The following CDC42BPB variants were observed in gnomAD, a reference collection of about 807,000 sequenced individuals.
CDC42BPB encodes the protein serine/threonine-protein kinase MRCK beta.
Under a neutral mutation model 214.9 loss-of-function variants are expected in CDC42BPB, and 37 were observed. The observed-to-expected ratio is 0.17, with a 90% confidence interval of 0.13 to 0.23. CDC42BPB has a LOEUF of 0.23. Ranked by LOEUF, CDC42BPB falls within the 10% of genes least tolerant of loss-of-function variation. The pLI, the probability that CDC42BPB is intolerant of heterozygous loss-of-function variation, is 1.00. For missense variants in CDC42BPB, 1,694 were observed against 2,227.0 expected, an observed-to-expected ratio of 0.76 and a Z score of 4.82; for synonymous variants, 931 against 884.0, an observed-to-expected ratio of 1.05 and a Z score of -0.94.
intron 12 of CDC42BPB, among the ~76,000 whole-genome samples, chr14:102,973,723 T>G (rs1396367105): frequency 2.6e-5 from 4 of 152,118 alleles, no homozygotes; most frequent in Non-Finnish European, 5.9e-5. Flanking sequence ...GCTTTCTCTG[T>G]GGGTCTGAAG....
At position 102,947,613 on chromosome 14, in the gene CDC42BPB, T is replaced by C. The variant is rs1892242449; in HGVS notation, c.3531+108A>G. On this transcript the variant is annotated intron_variant, in intron 27 of 36. Coordinates refer to ENST00000361246, the MANE Select transcript of CDC42BPB (RefSeq NM_006035.4). ...GGAGCCAGGCTGGAGGTTGAGACCC[T>C]AGGGCCACACTGGAGGTGCGCTGAT... 5 of 971,414 alleles carry C rather than the reference T, an allele frequency of 5.1e-6. No homozygotes were observed. The Admixed American group carries it at 5.2e-5, about 10-fold the overall frequency. 60.2% of individuals were successfully genotyped at this position (971,414 alleles called of 1,614,324 possible). A position where few individuals can be genotyped will look rare whatever the true frequency, so the allele number is the denominator to read the frequency against.
chr14:103,032,535 C>CAAAAA (rs570009408), intron 1 of CDC42BPB, among the ~76,000 whole-genome samples: 1 of 45,030 alleles, frequency 2.2e-5, no homozygotes. Context: ...AAATAAACTG[C>CAAAAA]AAAAAAAAAA....
chr14:103,049,817 G>A (rs1036807207), intron 1 of CDC42BPB, among the ~76,000 whole-genome samples: 3 of 152,194 alleles, frequency 2.0e-5, no homozygotes, highest in Admixed American at 2.0e-4. Flanking sequence ...GGGTTTAAGT[G>A]ATTCTCCTGC....
intron 5 of CDC42BPB, 125 bp from the exon 6 acceptor site, chr14:102,986,705 C>A: frequency 7.1e-7 from 1 of 1,408,456 alleles, no homozygotes; most frequent in Non-Finnish European, 9.3e-7. Flanking sequence ...CTGTCACCAT[C>A]CAGTACAAAT....
chr14:102,971,702 G>T (rs1893480626), intron 13 of CDC42BPB, among the ~76,000 whole-genome samples: 1 of 152,154 alleles, frequency 6.6e-6, no homozygotes, highest in African/African-American at 2.4e-5. Context: ...ACTTAAAAGG[G>T]AATTAAAGAA....
intron 13 of CDC42BPB, among the ~76,000 whole-genome samples, chr14:102,970,745 C>T (rs951028606): frequency 6.6e-6 from 1 of 152,206 alleles, no homozygotes; most frequent in African/African-American, 2.4e-5. Context: ...TCACTTCCCC[C>T]ATATGTGGAA....
rs375190596 is a variant in CDC42BPB at position 102,990,700 on chromosome 14, T to G, written c.597-4120A>C. On this transcript the variant is annotated intron_variant, in intron 5 of 36. Transcript: ENST00000361246. Reference sequence around the variant, plus strand: ...CGCTCCCCACTAAAGGGCCTTGAGCTCTTCTGAGAAACAACGGAGTGGGGA... The same window carrying G: ...CGCTCCCCACTAAAGGGCCTTGAGCGCTTCTGAGAAACAACGGAGTGGGGA... 1.8e-4 allele frequency among the ~76,000 whole-genome samples: 27 copies of G among 152,248 alleles called. No homozygotes were observed. In the South Asian group the frequency reaches 5.4e-3, roughly 30 times the overall value.
intron 1 of CDC42BPB, chr14:103,041,455 G>A: frequency 9.9e-7 from 1 of 1,012,486 alleles, no homozygotes. Context: ...GCACAGAAGG[G>A]GCTCTAGGCA....
intron 29 of CDC42BPB, among the ~76,000 whole-genome samples, chr14:102,945,002 G>T (rs1019514738): frequency 6.6e-6 from 1 of 151,926 alleles, no homozygotes; most frequent in Non-Finnish European, 1.5e-5. Flanking sequence ...ACGGCCCCCA[G>T]TGAAGACGCC....
chr14:103,032,929 TTTTTA>T (rs1441191125), intron 1 of CDC42BPB, among the ~76,000 whole-genome samples: 1 of 150,886 alleles, frequency 6.6e-6, no homozygotes, highest in Non-Finnish European at 1.5e-5. Context: ...AAATCCACTT[TTTTTA>T]AAAAAAAAAA....
Position 102,974,123 on chromosome 14 carries a change from C to G in CDC42BPB, c.1534G>C (p.Glu512Gln), listed in dbSNP as rs1389878014. 5.6e-6 allele frequency: 9 copies of G among 1,613,908 alleles called. No homozygotes were observed. Among genetic ancestry groups the G allele is most frequent in the Non-Finnish European group, 7.6e-6 (9 of 1,179,894 alleles). ...TCTTGGCGAAGCGCCACTGTGTCCT[C>G]AAGCTGTCGCTCGAGCCTGTTTGAA... ...ADSNRLERQL[E>Q]DTVALRQERE... Residue 512 changes from glutamate to glutamine, a missense_variant, in exon 12 of 37, where the codon GAG becomes CAG. By Grantham distance (29) the Glu-to-Gln change is conservative (BLOSUM62 2). This residue lies in a region of CDC42BPB where 462 missense variants were observed against 513.5 expected (regional missense o/e 0.90). Coordinates refer to ENST00000361246, the MANE Select transcript of CDC42BPB (RefSeq NM_006035.4).
At chr14:102,992,158 G>A (rs771662609) in intron 5 of CDC42BPB, among the ~76,000 whole-genome samples, 1 of 152,142 alleles carries the variant, frequency 6.6e-6, no homozygotes, top group African/African-American at 2.4e-5. Context: ...GAGCCCCAAG[G>A]GGGCTTATCT....
At position 103,001,427 on chromosome 14, in the gene CDC42BPB, G is replaced by A. The variant is rs1894975696; in HGVS notation, c.448-1714C>T. Among the ~76,000 whole-genome samples the A allele has an allele frequency of 6.6e-6, 1 of 152,174 alleles. No individual in the cohort carries two copies. The highest frequency in any genetic ancestry group is 1.5e-5 in the Non-Finnish European group (1 of 68,028). On this transcript the variant is annotated intron_variant, in intron 4 of 36. Transcript: ENST00000361246. The surrounding 1 kb of genome is among the most constrained non-coding windows in gnomAD (Gnocchi z 5.8). ...CGCCTGGTGAGGTGCCCAGGCCAGA[G>A]GTTGCCAAGCAGAGGCCTGAGGGGA...
chr14:102,949,979 A>C, intron 25 of CDC42BPB, 75 bp from the exon 26 acceptor site: 2 of 1,584,738 alleles, frequency 1.3e-6, no homozygotes, highest in South Asian at 2.3e-5. Context: ...ACTCGTTCAC[A>C]ATCTCCTTCC....
rs374146064 is a variant in CDC42BPB, at chr14:103,012,192, C to A, written c.176-4G>T. On this transcript the variant is annotated splice_region_variant and splice_polypyrimidine_tract_variant and intron_variant, in intron 1 of 36. Transcript: ENST00000361246. ...ACCAGCTGTGTAAATGGTTTAGCTA[C>A]AAGTAAAACAGTAAAACCAACAATT... 4 of 1,608,074 alleles carry A rather than the reference C, an allele frequency of 2.5e-6. No individual in the cohort carries two copies. The highest frequency in any genetic ancestry group is 2.7e-5 in the African/African-American group (2 of 74,762).
chr14:103,057,252 C>T lies in CDC42BPB; in HGVS notation c.-79G>A. 1 of 1,191,876 alleles carries T rather than the reference C, an allele frequency of 8.4e-7. No individual in the cohort carries two copies. The allele number at this position is 1,191,876 out of a possible 1,614,324, so 73.8% of individuals were successfully genotyped here. ...GTCCGTCAGGGCGCGCCCTCGGGGG[C>T]TCGGCGGCTGCGAGCCCCGGCAGCA... On this transcript the variant is annotated 5_prime_UTR_variant, in exon 1 of 37. Transcript: ENST00000361246.
intron 5 of CDC42BPB, among the ~76,000 whole-genome samples, chr14:102,991,638 C>T (rs1037107204): frequency 1.3e-5 from 2 of 152,162 alleles, no homozygotes; most frequent in African/African-American, 2.4e-5. Context: ...GAGGAAAAAT[C>T]TGTACGTGTG....
Position 103,057,253 on chromosome 14 carries a change from T to G in CDC42BPB, c.-80A>C. The G allele has an allele frequency of 1.7e-5, 20 of 1,184,240 alleles. No homozygotes were observed. Among genetic ancestry groups the G allele is most frequent in the Admixed American group, 4.6e-5 (1 of 21,812 alleles). The allele number at this position is 1,184,240 out of a possible 1,614,324, so 73.4% of individuals were successfully genotyped here. The stretch of plus-strand genomic sequence containing the variant: ...TCCGTCAGGGCGCGCCCTCGGGGGC[T>G]CGGCGGCTGCGAGCCCCGGCAGCAG... On this transcript the variant is annotated 5_prime_UTR_variant, in exon 1 of 37. Transcript: ENST00000361246.
intron 1 of CDC42BPB, among the ~76,000 whole-genome samples, chr14:103,020,719 C>T (rs1188609889): frequency 3.3e-5 from 5 of 152,310 alleles, no homozygotes; most frequent in African/African-American, 7.2e-5. Context: ...TTGGCCCGCA[C>T]GTGGCAGGGA....
Sources: allele counts gnomAD v4.1 joint callset (sites outside exome capture counted in the v4.1 genomes callset), GRCh38; gene constraint gnomAD v4.1.1; regional missense constraint gnomAD v4.1.1; non-coding constraint Gnocchi (gnomAD v3.1); transcripts MANE v1.5; gene names NCBI Gene and HGNC (gene_info 2026-07-23, HGNC 2026-07-21).